The following TJP1 variants were observed in gnomAD, a reference collection of about 807,000 sequenced individuals.
TJP1 encodes the protein tight junction protein ZO-1.
A neutral mutation model predicts 194.2 loss-of-function variants in TJP1; 43 were observed. The observed-to-expected ratio is 0.22, with a 90% CI of 0.17 to 0.29. The LOEUF (loss-of-function observed/expected upper bound fraction) is 0.29, where lower values mean the gene tolerates loss of function less well. Among genes scored for constraint, TJP1 ranks in the 10% least tolerant of loss-of-function variants. The probability of loss-of-function intolerance (pLI) is 1.00; values close to 1 mark genes in which losing one functional copy is unlikely to be tolerated. For synonymous variants in TJP1, 801 were observed against 779.0 expected (o/e 1.03, Z -0.47); for missense variants, 1,971 against 2,185.7 (o/e 0.90, Z 1.96).
chr15:29,835,949 C>G (rs1175178648), intron 2 of TJP1, among the ~76,000 whole-genome samples: 1 of 152,044 alleles, frequency 6.6e-6, no homozygotes, highest in East Asian at 1.9e-4. Flanking sequence ...ATACCTCTTA[C>G]TACATGCCAG....
chr15:29,717,209 A>G (rs1188820018), intron 22 of TJP1, among the ~76,000 whole-genome samples: 1 of 152,224 alleles, frequency 6.6e-6, no homozygotes, highest in African/African-American at 2.4e-5. Flanking sequence ...ATAGACTTTA[A>G]GAACTTTCAA....
In TJP1 at chr15:29,732,797, A is replaced by G. The variant is rs1566918814; in HGVS notation, c.1755T>C (p.Ser585=). The change falls in exon 14 of 28, where the codon AGT becomes AGC. Residue 585 remains serine (S), a synonymous_variant. Transcript: ENST00000614355. ...CTGTTTTTGGAAGTGTATACTGTAC[A>G]CTGGCTAGCTGCTCAGCTCTACACA... is the stretch of plus-strand genomic sequence containing the variant. ...PNKNRAEQLA[S]VQYTLPKTAG... The G allele has an allele frequency of 2.5e-6, 4 of 1,597,642 alleles. No homozygotes were observed. The South Asian group carries it at 3.4e-5, about 14-fold the overall frequency.
chr15:29,893,047 T>C (rs920034436), intron 2 of TJP1, among the ~76,000 whole-genome samples: 1 of 152,216 alleles, frequency 6.6e-6, no homozygotes, highest in Admixed American at 6.5e-5. Flanking sequence ...CCATTAAGAA[T>C]ATTACTGATT....
chr15:29,716,524 C>A, intron 23 of TJP1, 87 bp downstream of exon 23: 1 of 1,011,436 alleles, frequency 9.9e-7, no homozygotes, highest in Admixed American at 2.3e-5. Context: ...ATATATTACA[C>A]TTAAATTATT....
At chr15:29,968,974 G>GCCGCCGCCGCCGTGCGTGGCCCGCAGCTC (rs1213642061), upstream of TJP1, 2 of 148,596 alleles carry the variant, frequency 1.3e-5, no homozygotes, top group Admixed American at 6.8e-5. Flanking sequence ...GGCCGCTCCC[G>GCCGCCGCCGCCGTGCGTGGCCCGCAGCTC]CCGCCGCCGC....
intron 2 of TJP1, among the ~76,000 whole-genome samples, chr15:29,955,657 G>A (rs2055905929): frequency 6.7e-6 from 1 of 149,852 alleles, no homozygotes; most frequent in Non-Finnish European, 1.5e-5. Flanking sequence ...AGGCTGATGT[G>A]GGAGGATCAC....
At chr15:29,841,535 T>A (rs2051225484) in intron 2 of TJP1, among the ~76,000 whole-genome samples, 1 of 152,218 alleles carries the variant, frequency 6.6e-6, no homozygotes, top group Admixed American at 6.5e-5. Flanking sequence ...AATTTTACTT[T>A]GTGATGATTC....
chr15:29,956,720 T>A (rs1485232610), intron 1 of TJP1, among the ~76,000 whole-genome samples: 1 of 152,008 alleles, frequency 6.6e-6, no homozygotes. Flanking sequence ...CCTCTACATA[T>A]ACACACACGA....
At chr15:29,767,644 T>C (rs990278589) in intron 4 of TJP1, among the ~76,000 whole-genome samples, 6 of 152,170 alleles carry the variant, frequency 3.9e-5, no homozygotes, top group Non-Finnish European at 8.8e-5. Flanking sequence ...CATCTACATA[T>C]TGTTGCCTCT....
At chr15:29,923,160 T>C (rs571958595) in intron 2 of TJP1, among the ~76,000 whole-genome samples, 2 of 152,290 alleles carry the variant, frequency 1.3e-5, no homozygotes, top group African/African-American at 2.4e-5. Context: ...ACCAAATCTA[T>C]TTCTAGAAAT....
intron 8 of TJP1, among the ~76,000 whole-genome samples, chr15:29,747,141 T>C (rs1055145146): frequency 2.0e-5 from 3 of 152,048 alleles, no homozygotes; most frequent in Non-Finnish European, 4.4e-5. Flanking sequence ...AAAAATTAGT[T>C]GGGTGTGGTG....
intron 1 of TJP1, among the ~76,000 whole-genome samples, chr15:29,817,700 T>C (rs565601970): frequency 1.3e-5 from 2 of 152,304 alleles, no homozygotes; most frequent in Non-Finnish European, 2.9e-5. Context: ...CGGACGAAGC[T>C]GGAAGCTATC....
At chr15:29,864,151 C>T (rs1239532599) in intron 2 of TJP1, among the ~76,000 whole-genome samples, 3 of 147,158 alleles carry the variant, frequency 2.0e-5, no homozygotes, top group Non-Finnish European at 3.0e-5. Context: ...CTCAGCACTT[C>T]GGGAGGCCGA....
intron 2 of TJP1, among the ~76,000 whole-genome samples, chr15:29,788,455 C>T (rs1333466444): frequency 1.3e-5 from 2 of 152,164 alleles, no homozygotes; most frequent in South Asian, 2.1e-4. Context: ...TATACTTACA[C>T]CTATGGTTCA....
chr15:29,813,683 A>G (rs2049695258), intron 1 of TJP1, among the ~76,000 whole-genome samples: 1 of 152,208 alleles, frequency 6.6e-6, no homozygotes, highest in Admixed American at 6.5e-5. Flanking sequence ...AAGACAAGAT[A>G]CATGCAATCT....
chr15:29,782,481 T>A (rs2047425925), intron 2 of TJP1, among the ~76,000 whole-genome samples: 1 of 152,222 alleles, frequency 6.6e-6, no homozygotes, highest in African/African-American at 2.4e-5. Context: ...CTGGGATAAC[T>A]GGCTAGCCAT....
chr15:29,819,602 T>G (rs2151998259), intron 1 of TJP1, among the ~76,000 whole-genome samples: 1 of 152,338 alleles, frequency 6.6e-6, no homozygotes, highest in African/African-American at 2.4e-5. Context: ...TACGGCCTTC[T>G]TTTTCCAAAA....
At chr15:29,874,251 C>T (rs142687107) in intron 2 of TJP1, among the ~76,000 whole-genome samples, 3 of 152,292 alleles carry the variant, frequency 2.0e-5, no homozygotes, top group African/African-American at 7.2e-5. Context: ...AGGAGGGTGA[C>T]AGAAGAGAAC....
chr15:29,854,113 T>C (rs941189359), intron 2 of TJP1, among the ~76,000 whole-genome samples: 1 of 152,144 alleles, frequency 6.6e-6, no homozygotes, highest in Non-Finnish European at 1.5e-5. Context: ...TTGGAAAATA[T>C]ACCTTTCACC....
Sources: allele counts gnomAD v4.1 joint callset (sites outside exome capture counted in the v4.1 genomes callset), GRCh38; gene constraint gnomAD v4.1.1; transcripts MANE v1.5; gene names NCBI Gene and HGNC (gene_info 2026-07-23, HGNC 2026-07-21).